COG5: variants seen among roughly 807,000 people sequenced by gnomAD.
The protein encoded by COG5 is conserved oligomeric Golgi complex subunit 5.
Under a neutral mutation model 110.4 loss-of-function variants are expected in COG5, and 86 were observed. The observed-to-expected ratio is 0.78, with a 90% confidence interval of 0.65 to 0.93. The LOEUF is 0.93. COG5 is among the 40% of genes least tolerant of loss of function. COG5 has a pLI of 0.00. For missense variants in COG5, 1,077 were observed against 987.0 expected (o/e 1.09, Z -1.22); for synonymous variants, 360 against 334.6 (o/e 1.08, Z -0.83).
chr7:107,562,996 T>C (rs1804012110), intron 1 of COG5, among the ~76,000 whole-genome samples: 1 of 152,140 alleles, frequency 6.6e-6, no homozygotes, highest in African/African-American at 2.4e-5. Context: ...TAGTACAAGG[T>C]AGAATGCGAT....
chr7:107,452,514 A>G (rs550209161), intron 6 of COG5, among the ~76,000 whole-genome samples: 1 of 152,132 alleles, frequency 6.6e-6, no homozygotes, highest in Non-Finnish European at 1.5e-5. Flanking sequence ...TGTTCTCTTG[A>G]TAGTGAATAA....
At chr7:107,510,329 A>T (rs1469325176) in intron 6 of COG5, among the ~76,000 whole-genome samples, 1 of 152,214 alleles carries the variant, frequency 6.6e-6, no homozygotes, top group Non-Finnish European at 1.5e-5. Context: ...AAAGGGATCA[A>T]TTCAACAAGA....
chr7:107,471,006 T>TG (rs1796601692), intron 6 of COG5, among the ~76,000 whole-genome samples: 1 of 151,956 alleles, frequency 6.6e-6, no homozygotes, highest in Non-Finnish European at 1.5e-5. Flanking sequence ...AAAATGTTGT[T>TG]AAATTTATTA....
At chr7:107,510,760 A>C (rs1799438642) in intron 6 of COG5, among the ~76,000 whole-genome samples, 1 of 152,222 alleles carries the variant, frequency 6.6e-6, no homozygotes, top group East Asian at 1.9e-4. Context: ...CCGCTCCACT[A>C]CATGGAAACT....
chr7:107,261,528 G>C (rs932781539), intron 14 of COG5, among the ~76,000 whole-genome samples: 32 of 152,098 alleles, frequency 2.1e-4, no homozygotes, highest in Non-Finnish European at 3.2e-4. Flanking sequence ...AAAGAGTTCT[G>C]GTTCCTTTTA....
chr7:107,205,968 T>TA (rs1172697205), intron 21 of COG5, among the ~76,000 whole-genome samples: 10 of 151,684 alleles, frequency 6.6e-5, no homozygotes, highest in African/African-American at 2.2e-4. Flanking sequence ...TTTTTTTTTT[T>TA]TTATTTTTTT....
intron 10 of COG5, among the ~76,000 whole-genome samples, chr7:107,360,291 G>A (rs1429429262): frequency 6.6e-6 from 1 of 152,176 alleles, no homozygotes; most frequent in African/African-American, 2.4e-5. Context: ...TACCCACTTT[G>A]GGTCTGCCAC....
At chr7:107,450,672 T>C (rs1795280008) in intron 6 of COG5, among the ~76,000 whole-genome samples, 1 of 152,224 alleles carries the variant, frequency 6.6e-6, no homozygotes, top group Non-Finnish European at 1.5e-5. Flanking sequence ...CAAATGCAGT[T>C]GGGCTTATGA....
At chr7:107,563,594 T>G (rs1804176831) in intron 1 of COG5, 2 of 578,872 alleles carry the variant, frequency 3.5e-6, no homozygotes, top group Non-Finnish European at 6.3e-6. Context: ...AAACCAAGTG[T>G]CCCCAAGACT....
At chr7:107,330,216 T>C (rs970173502) in intron 10 of COG5, among the ~76,000 whole-genome samples, 8 of 152,256 alleles carry the variant, frequency 5.3e-5, no homozygotes, top group African/African-American at 1.9e-4. Context: ...TTTCTGACCT[T>C]GTTTCTTGGT....
intron 5 of COG5, among the ~76,000 whole-genome samples, chr7:107,544,877 C>G (rs1267350808): frequency 6.6e-6 from 1 of 152,084 alleles, no homozygotes; most frequent in East Asian, 1.9e-4. Flanking sequence ...TACAACTAGA[C>G]AAGTACACAA....
At chr7:107,329,692 G>C (rs183141025) in intron 10 of COG5, among the ~76,000 whole-genome samples, 16 of 152,136 alleles carry the variant, frequency 1.1e-4, no homozygotes, top group Admixed American at 8.5e-4. Context: ...AGGAGTTCAA[G>C]ACCATCCTTG....
chr7:107,213,145 G>A (rs1799291665), intron 19 of COG5, among the ~76,000 whole-genome samples: 1 of 152,064 alleles, frequency 6.6e-6, no homozygotes, highest in South Asian at 2.1e-4. Context: ...ATCAGCTAAT[G>A]ATCTACCCTA....
At chr7:107,405,909 C>T (rs1043809827) in intron 7 of COG5, among the ~76,000 whole-genome samples, 2 of 152,176 alleles carry the variant, frequency 1.3e-5, no homozygotes, top group Admixed American at 1.3e-4. Context: ...ATTTGTGAAT[C>T]AGAATGTTGG....
chr7:107,368,204 G>A (rs1446259849), intron 8 of COG5, among the ~76,000 whole-genome samples: 1 of 151,594 alleles, frequency 6.6e-6, no homozygotes, highest in East Asian at 1.9e-4. Flanking sequence ...TATCAATTAG[G>A]ATCTAGTATT....
At chr7:107,321,471 T>G (rs1299190107) in intron 11 of COG5, among the ~76,000 whole-genome samples, 41 of 152,066 alleles carry the variant, frequency 2.7e-4, no homozygotes, top group Admixed American at 2.7e-3. Flanking sequence ...CATATGGAAA[T>G]GCAAAAGACC....
At chr7:107,271,468 A>G (rs1804265187) in intron 14 of COG5, among the ~76,000 whole-genome samples, 1 of 152,028 alleles carries the variant, frequency 6.6e-6, no homozygotes, top group Non-Finnish European at 1.5e-5. Context: ...TTTCAACACA[A>G]CTTATAGTTT....
chr7:107,473,987 C>A, intron 6 of COG5: 1 of 731,308 alleles, frequency 1.4e-6, no homozygotes, highest in Non-Finnish European at 2.3e-6. Flanking sequence ...CGTTATACGT[C>A]ATTTAAATTG....
chr7:107,339,311 C>CA (rs1241815159), intron 10 of COG5, among the ~76,000 whole-genome samples: 10 of 152,022 alleles, frequency 6.6e-5, no homozygotes, highest in African/African-American at 2.4e-4. Flanking sequence ...CTCAATTCAA[C>CA]AAAAAGACTT....
Sources: allele counts gnomAD v4.1 joint callset (sites outside exome capture counted in the v4.1 genomes callset), GRCh38; gene constraint gnomAD v4.1.1; transcripts MANE v1.5; gene names NCBI Gene and HGNC (gene_info 2026-07-23, HGNC 2026-07-21).